Variants in PTPRK observed in about 807,000 individuals in gnomAD.
PTPRK encodes protein tyrosine phosphatase receptor type K.
In PTPRK, 75 loss-of-function variants were observed where a neutral mutation model predicts 178.0. The observed-to-expected ratio is 0.42, with a 90% CI of 0.35 to 0.51. The LOEUF (loss-of-function observed/expected upper bound fraction) is 0.51, where lower values mean the gene tolerates loss of function less well. PTPRK is among the 20% of genes least tolerant of loss of function. The pLI is 0.02. For synonymous variants in PTPRK, 637 were observed against 620.6 expected, an observed-to-expected ratio of 1.03 and a Z score of -0.39; for missense variants, 1,441 against 1,797.8, an observed-to-expected ratio of 0.80 and a Z score of 3.59.
intron 1 of PTPRK, among the ~76,000 whole-genome samples, chr6:128,515,152 T>A (rs1266786347): frequency 1.3e-5 from 2 of 152,162 alleles, no homozygotes; most frequent in Non-Finnish European, 2.9e-5. Flanking sequence ...TCTCAAAATA[T>A]CAAGCAATGT....
intron 3 of PTPRK, among the ~76,000 whole-genome samples, chr6:128,303,547 G>T (rs532034764): frequency 8.3e-4 from 126 of 152,240 alleles, no homozygotes; most frequent in African/African-American, 3.0e-3. Flanking sequence ...GTAATAAAAT[G>T]ATTTCATATG....
intron 1 of PTPRK, among the ~76,000 whole-genome samples, chr6:128,399,501 G>C (rs992136261): frequency 2.0e-5 from 3 of 152,080 alleles, no homozygotes; most frequent in Admixed American, 1.3e-4. Context: ...CATTAAAAAA[G>C]ATGTACTTTT....
chr6:128,327,334 T>A (rs1384065858), intron 2 of PTPRK, among the ~76,000 whole-genome samples: 1 of 152,182 alleles, frequency 6.6e-6, no homozygotes, highest in Admixed American at 6.6e-5. Context: ...AACATAATAT[T>A]TGTATTGTCA....
intron 1 of PTPRK, among the ~76,000 whole-genome samples, chr6:128,464,620 CATATATATATATATACACAT>C (rs1363391752): frequency 2.3e-5 from 2 of 88,824 alleles, no homozygotes; most frequent in African/African-American, 8.4e-5. Context: ...TATACATATA[CATATATATATATATACACAT>C]ATATATATAT....
At chr6:128,494,749 G>A (rs1854412336) in intron 1 of PTPRK, among the ~76,000 whole-genome samples, 1 of 152,166 alleles carries the variant, frequency 6.6e-6, no homozygotes, top group Non-Finnish European at 1.5e-5. Flanking sequence ...GTTTTTTCTA[G>A]TAAACATTTC....
intron 19 of PTPRK, 57 bp downstream of exon 19, chr6:127,992,616 C>T: frequency 7.0e-7 from 1 of 1,436,044 alleles, no homozygotes; most frequent in Non-Finnish European, 9.6e-7. Context: ...AAAACCACCA[C>T]ATAGATGAAT....
At chr6:128,243,732 C>T (rs1814941090) in intron 3 of PTPRK, among the ~76,000 whole-genome samples, 1 of 151,874 alleles carries the variant, frequency 6.6e-6, no homozygotes, top group African/African-American at 2.4e-5. Flanking sequence ...CTGTGACTTT[C>T]AAGAGAAAAC....
intron 10 of PTPRK, among the ~76,000 whole-genome samples, chr6:128,082,165 T>C (rs1784942594): frequency 6.6e-6 from 1 of 152,120 alleles, no homozygotes; most frequent in African/African-American, 2.4e-5. Flanking sequence ...TCTATTAGGA[T>C]TTATAATGAA....
chr6:128,461,231 C>CGTGTGT (rs144928884), intron 1 of PTPRK, among the ~76,000 whole-genome samples: 152 of 147,068 alleles, frequency 1.0e-3, no homozygotes, highest in African/African-American at 3.0e-3. Context: ...TTTGTTATTC[C>CGTGTGT]GTGTGTGTGT....
chr6:127,971,302 T>G (rs1373743987), intron 29 of PTPRK, among the ~76,000 whole-genome samples: 1 of 152,094 alleles, frequency 6.6e-6, no homozygotes, highest in Non-Finnish European at 1.5e-5. Context: ...TTCATTCAAG[T>G]GGGTAAAATT....
At chr6:128,152,388 T>C (rs1016813334) in intron 7 of PTPRK, among the ~76,000 whole-genome samples, 1 of 151,870 alleles carries the variant, frequency 6.6e-6, no homozygotes, top group African/African-American at 2.4e-5. Context: ...ACATTGATTG[T>C]GGGATTTATT....
intron 1 of PTPRK, among the ~76,000 whole-genome samples, chr6:128,421,426 GA>G (rs1316531597): frequency 6.6e-6 from 1 of 152,182 alleles, no homozygotes. Flanking sequence ...TCCTAAAAGT[GA>G]GAATAAGAGA....
At chr6:128,059,154 C>G (rs1272418807) in intron 13 of PTPRK, among the ~76,000 whole-genome samples, 1 of 151,992 alleles carries the variant, frequency 6.6e-6, no homozygotes, top group Non-Finnish European at 1.5e-5. Flanking sequence ...TCCATTTTGT[C>G]TTTAGAATCA....
chr6:127,999,914 T>C, intron 15 of PTPRK: 1 of 879,780 alleles, frequency 1.1e-6, no homozygotes, highest in African/African-American at 1.8e-5. Flanking sequence ...AATTGTGTTA[T>C]TAGCTTAAAA....
At chr6:128,274,614 A>C (rs968144168) in intron 3 of PTPRK, among the ~76,000 whole-genome samples, 2 of 151,970 alleles carry the variant, frequency 1.3e-5, no homozygotes, top group Non-Finnish European at 2.9e-5. Flanking sequence ...AGATTTAAAA[A>C]CTCAGGTTGT....
chr6:128,034,486 T>C (rs1424335414), intron 13 of PTPRK, among the ~76,000 whole-genome samples: 1 of 152,206 alleles, frequency 6.6e-6, no homozygotes. Flanking sequence ...TATATCTTCA[T>C]GCAGTCAGTA....
chr6:128,423,552 C>T (rs1013403543), intron 1 of PTPRK, among the ~76,000 whole-genome samples: 1 of 149,768 alleles, frequency 6.7e-6, no homozygotes, highest in Non-Finnish European at 1.5e-5. Flanking sequence ...ATAGATTGGC[C>T]AGGTGCAGTG....
intron 1 of PTPRK, among the ~76,000 whole-genome samples, chr6:128,441,583 AGTCT>A (rs1846287559): frequency 6.6e-6 from 1 of 152,180 alleles, no homozygotes; most frequent in African/African-American, 2.4e-5. Flanking sequence ...TTGACCAGCT[AGTCT>A]CTCCTCTAGA....
At chr6:128,160,991 T>C (rs1369754797) in intron 7 of PTPRK, among the ~76,000 whole-genome samples, 1 of 151,596 alleles carries the variant, frequency 6.6e-6, no homozygotes, top group Non-Finnish European at 1.5e-5. Context: ...CAAGATGATG[T>C]ATACATTTAT....
Sources: allele counts gnomAD v4.1 joint callset (sites outside exome capture counted in the v4.1 genomes callset), GRCh38; gene constraint gnomAD v4.1.1; transcripts MANE v1.5; gene names NCBI Gene and HGNC (gene_info 2026-07-23, HGNC 2026-07-21).